LRRTM4: variants seen among roughly 807,000 people sequenced by gnomAD.
The protein encoded by LRRTM4 is leucine rich repeat transmembrane neuronal 4.
A neutral mutation model predicts 47.6 loss-of-function variants in LRRTM4; 25 were observed. The ratio of observed to expected loss-of-function variants is 0.53; its 90% CI spans 0.38 to 0.73. The LOEUF is 0.73. Among genes scored for constraint, LRRTM4 ranks in the 30% least tolerant of loss-of-function variants. The pLI, the probability that LRRTM4 is intolerant of heterozygous loss-of-function variation, is 0.00. For missense variants in LRRTM4, 638 were observed against 713.4 expected (o/e 0.89, Z 1.20); for synonymous variants, 311 against 269.5 (o/e 1.15, Z -1.51).
At chr2:76,782,962 T>TAAAA (rs1674481171) in intron 3 of LRRTM4, among the ~76,000 whole-genome samples, 1 of 152,172 alleles carries the variant, frequency 6.6e-6, no homozygotes, top group South Asian at 2.1e-4. Context: ...ATTCAAAGAT[T>TAAAA]GTAGATTTCT....
At chr2:77,509,379 T>A (rs1228151271) in intron 3 of LRRTM4, among the ~76,000 whole-genome samples, 1 of 152,138 alleles carries the variant, frequency 6.6e-6, no homozygotes, top group Admixed American at 6.6e-5. Flanking sequence ...AAAATAATTA[T>A]AAATGCTGCT....
intron 3 of LRRTM4, among the ~76,000 whole-genome samples, chr2:77,331,773 A>G (rs1024816193): frequency 6.6e-6 from 1 of 152,120 alleles, no homozygotes; most frequent in African/African-American, 2.4e-5. Flanking sequence ...CTGACACTTT[A>G]ATAGCAGTTG....
At chr2:77,490,720 C>T (rs1422879400) in intron 3 of LRRTM4, among the ~76,000 whole-genome samples, 1 of 152,140 alleles carries the variant, frequency 6.6e-6, no homozygotes, top group Non-Finnish European at 1.5e-5. Context: ...AAGCATCTCA[C>T]ATCAACTGCC....
At chr2:77,137,858 G>A (rs774948338) in intron 3 of LRRTM4, among the ~76,000 whole-genome samples, 9 of 151,986 alleles carry the variant, frequency 5.9e-5, no homozygotes, top group Non-Finnish European at 1.2e-4. Flanking sequence ...TAAACCAACA[G>A]AGATCAAAAG....
chr2:76,986,252 G>C (rs959303879), intron 3 of LRRTM4, among the ~76,000 whole-genome samples: 10 of 150,072 alleles, frequency 6.7e-5, no homozygotes, highest in African/African-American at 2.5e-4. Context: ...AGTTGTAAAG[G>C]AAAGCATTAT....
At chr2:76,793,333 A>G (rs1269673243) in intron 3 of LRRTM4, among the ~76,000 whole-genome samples, 5 of 152,178 alleles carry the variant, frequency 3.3e-5, no homozygotes, top group African/African-American at 1.2e-4. Flanking sequence ...ATTCAATGAC[A>G]GAGTTGAGTA....
Position 77,082,560 on chromosome 2 carries a change from A to C in LRRTM4, c.1552-333644T>G, listed in dbSNP as rs532790712. 1.1e-4 allele frequency among the ~76,000 whole-genome samples: 16 copies of C among 152,240 alleles called. No individual in the cohort carries two copies. In the South Asian group the frequency reaches 1.4e-3, roughly 14 times the overall value. On this transcript the variant is annotated intron_variant, in intron 3 of 3. Transcript: ENST00000409884. The stretch of plus-strand genomic sequence containing the variant: ...TGTAAAAGGTACCATTCTTATATAT[A>C]TATAGGTCAATGCAGAAAACTGCTG...
chr2:77,016,767 TG>T (rs1015515677), intron 3 of LRRTM4, among the ~76,000 whole-genome samples: 3 of 152,196 alleles, frequency 2.0e-5, no homozygotes, highest in African/African-American at 7.2e-5. Context: ...TTTCTATTTC[TG>T]GGAACTTTGC....
intron 3 of LRRTM4, among the ~76,000 whole-genome samples, chr2:76,880,391 T>A (rs550155034): frequency 5.9e-5 from 9 of 152,326 alleles, no homozygotes; most frequent in Admixed American, 2.6e-4. Flanking sequence ...CACTGAAGGC[T>A]CAGATTATCC....
intron 3 of LRRTM4, among the ~76,000 whole-genome samples, chr2:77,328,927 G>A (rs530930242): frequency 5.7e-4 from 87 of 152,298 alleles, no homozygotes; most frequent in African/African-American, 2.0e-3. Flanking sequence ...TAGGCTGAAT[G>A]GTCTGACAGC....
rs534572609 is a variant in LRRTM4, at chr2:77,519,365, T to C, written c.504A>G (p.Ser168=). Residue 168 remains serine (S), a synonymous_variant, in exon 3 of 4, where the codon TCA becomes TCG. Transcript: ENST00000409884. The surrounding 1 kb of genome is among the most constrained non-coding windows in gnomAD (Gnocchi z 4.6). ...AAACTCTTATGGGCACAGTCTTTAG[T>C]GAGTTAGATCTCAAGTGCAAAATGA... ...KLIILHLRSN[S]LKTVPIRVFQ... 8.1e-6 allele frequency: 13 copies of C among 1,613,420 alleles called. No individual in the cohort carries two copies. Among genetic ancestry groups the C allele is most frequent in the South Asian group, 1.1e-5 (1 of 91,068 alleles).
intron 3 of LRRTM4, among the ~76,000 whole-genome samples, chr2:77,062,953 ATCTT>A (rs1558557730): frequency 9.1e-6 from 1 of 109,396 alleles, no homozygotes; most frequent in African/African-American, 3.6e-5. Flanking sequence ...AATTATTATT[ATCTT>A]TTTTTTTTTT....
At chr2:76,794,060 T>TA (rs1429019166) in intron 3 of LRRTM4, among the ~76,000 whole-genome samples, 2 of 152,180 alleles carry the variant, frequency 1.3e-5, no homozygotes, top group Non-Finnish European at 2.9e-5. Flanking sequence ...AACCAGGAAC[T>TA]AAGAATTGTA....
intron 3 of LRRTM4, among the ~76,000 whole-genome samples, chr2:77,358,680 G>C (rs1672063312): frequency 6.6e-6 from 1 of 152,176 alleles, no homozygotes; most frequent in East Asian, 1.9e-4. Context: ...TCATTCATGA[G>C]AGACATTTCT....
At chr2:77,399,472 G>A (rs1253970669) in intron 3 of LRRTM4, among the ~76,000 whole-genome samples, 1 of 151,730 alleles carries the variant, frequency 6.6e-6, no homozygotes, top group Admixed American at 6.6e-5. Context: ...ACTAGGAGCT[G>A]GTTGAGCTGT....
rs547235950 is a variant in LRRTM4, at chr2:76,990,851, T to C, written c.1552-241935A>G. 4.0e-5 allele frequency among the ~76,000 whole-genome samples: 6 copies of C among 151,790 alleles called. No individual in the cohort carries two copies. The East Asian group carries it at 1.2e-3, about 30-fold the overall frequency. On this transcript the variant is annotated intron_variant, in intron 3 of 3. Transcript: ENST00000409884. The stretch of plus-strand genomic sequence containing the variant: ...CCATCAATCACAAAATATACATTAG[T>C]GTCTTCTGCACCTGAAGCATACTGT...
intron 3 of LRRTM4, among the ~76,000 whole-genome samples, chr2:77,067,686 T>TACACAC (rs3058033): frequency 0.061 from 8,584 of 140,666 alleles, 510 homozygotes; most frequent in African/African-American, 0.16. Flanking sequence ...CAAAGATACG[T>TACACAC]ACACACACAC....
intron 3 of LRRTM4, among the ~76,000 whole-genome samples, chr2:76,791,590 G>A (rs1427066407): frequency 6.6e-6 from 1 of 152,094 alleles, no homozygotes; most frequent in African/African-American, 2.4e-5. Flanking sequence ...TCCATTTACA[G>A]GACAAGGGGA....
chr2:77,033,643 G>T (rs1678737612), intron 3 of LRRTM4, among the ~76,000 whole-genome samples: 1 of 151,834 alleles, frequency 6.6e-6, no homozygotes, highest in African/African-American at 2.4e-5. Flanking sequence ...CTCCATATTT[G>T]TAGTGAAGGG....
Sources: gnomAD v4.1 joint callset for allele counts (sites outside exome capture counted in the v4.1 genomes callset) on GRCh38, gnomAD v4.1.1 for gene constraint, Gnocchi (gnomAD v3.1) non-coding constraint, MANE v1.5 for transcripts, NCBI Gene and HGNC (gene_info 2026-07-23, HGNC 2026-07-21) for gene names.